WSB2: variants seen among roughly 807,000 people sequenced by gnomAD.
WSB2 encodes the protein WD repeat and SOCS box-containing protein 2.
WSB2 carries 12 observed loss-of-function variants against 48.8 expected under a neutral mutation model. The ratio of observed to expected loss-of-function variants is 0.25; its 90% CI spans 0.16 to 0.40. The LOEUF (loss-of-function observed/expected upper bound fraction) is 0.40. WSB2 is among the 10% of genes least tolerant of loss of function. The pLI is 1.00. For synonymous variants in WSB2, 191 were observed against 203.1 expected, an observed-to-expected ratio of 0.94 and a Z score of 0.51; for missense variants, 317 against 506.2, an observed-to-expected ratio of 0.63 and a Z score of 3.59.
chr12:118,035,408 C>A, intron 6 of WSB2, 84 bp from the exon 7 acceptor site: 1 of 1,215,410 alleles, frequency 8.2e-7, no homozygotes. Context: ...GGAAGCCAAA[C>A]TGCCCTGGCT....
chr12:118,061,999 C>T, upstream of WSB2: 7 of 1,042,798 alleles, frequency 6.7e-6, no homozygotes, highest in Non-Finnish European at 9.2e-6. Flanking sequence ...GAACACGGGG[C>T]GGTGGGGAGA....
At chr12:118,035,678 A>G in intron 6 of WSB2, 1 of 196,582 alleles carries the variant, frequency 5.1e-6, no homozygotes, top group Non-Finnish European at 1.0e-5. Flanking sequence ...AACAGACACA[A>G]AAGGAAAAAG....
At position 118,034,377 on chromosome 12, in the gene WSB2, C is replaced by T. The variant is rs117570803; in HGVS notation, c.1053-19G>A. 631 of 1,612,316 alleles carry T rather than the reference C, an allele frequency of 3.9e-4. No individual in the cohort carries two copies. Among genetic ancestry groups the T allele is most frequent in the East Asian group, 1.1e-3 (50 of 44,844 alleles). The stretch of plus-strand genomic sequence containing the variant: ...TCTTGTCCTAAAATGAAACAGAAAC[C>T]GATGCTAAGACAGAGCTTGGATGTT... On this transcript the variant is annotated intron_variant, in intron 8 of 8. Coordinates refer to ENST00000315436, the MANE Select transcript of WSB2 (RefSeq NM_018639.5).
intron 2 of WSB2, among the ~76,000 whole-genome samples, chr12:118,049,010 T>A (rs1003617788): frequency 6.6e-6 from 1 of 152,228 alleles, no homozygotes; most frequent in Non-Finnish European, 1.5e-5. Flanking sequence ...TATTTATCTA[T>A]ACAAATTTGA....
chr12:118,055,607 CTTTTTTTTTTTTTTT>C (rs748354611), intron 1 of WSB2, among the ~76,000 whole-genome samples: 3 of 81,678 alleles, frequency 3.7e-5, no homozygotes, highest in Admixed American at 3.7e-4. Flanking sequence ...CTACATTATC[CTTTTTTTTTTTTTTT>C]TTTTTTTTTT....
chr12:118,043,825 A>C (rs2031690890), intron 2 of WSB2, among the ~76,000 whole-genome samples: 1 of 151,192 alleles, frequency 6.6e-6, no homozygotes, highest in Non-Finnish European at 1.5e-5. Context: ...TCTTTTTAAG[A>C]GTTGATGTAG....
chr12:118,035,445 G>GC (rs2031489406), intron 6 of WSB2, 121 bp from the exon 7 acceptor site: 1 of 782,944 alleles, frequency 1.3e-6, no homozygotes, highest in Non-Finnish European at 2.1e-6. Flanking sequence ...TGCATTGTGT[G>GC]CCCCTCGTGG....
chr12:118,040,654 CAAAA>C (rs781738117), intron 4 of WSB2, among the ~76,000 whole-genome samples: 1 of 120,008 alleles, frequency 8.3e-6, no homozygotes, highest in African/African-American at 3.1e-5. Flanking sequence ...GGCTCTGTCT[CAAAA>C]AAAAAAAAAA....
Position 118,035,042 on chromosome 12 carries a change from A to T in WSB2, c.996T>A (p.Pro332=), listed in dbSNP as rs2031475017. 6.2e-7 allele frequency: 1 copy of T among 1,614,094 alleles called. No individual in the cohort carries two copies. The highest frequency in any genetic ancestry group is 1.7e-5 in the Admixed American group (1 of 60,004). Residue 332 remains proline (P), a synonymous_variant, in exon 8 of 9, where the codon CCT becomes CCA. Transcript: ENST00000315436. ...LELKTPIAFA[P]MTNGLCCTFF... Reference sequence around the variant, plus strand: ...ATGTGCAGCAAAGCCCATTGGTCATAGGAGCAAATGCAATGGGAGTTTTCA... The same window carrying T: ...ATGTGCAGCAAAGCCCATTGGTCATTGGAGCAAATGCAATGGGAGTTTTCA...
intron 2 of WSB2, among the ~76,000 whole-genome samples, chr12:118,046,355 C>T (rs12229137): frequency 0.031 from 4,734 of 151,190 alleles, 234 homozygotes; most frequent in East Asian, 0.22. Flanking sequence ...CCCAGCTACT[C>T]GGGAGGCTGA....
intron 2 of WSB2, among the ~76,000 whole-genome samples, chr12:118,047,852 A>C (rs2031775231): frequency 6.6e-6 from 1 of 152,252 alleles, no homozygotes; most frequent in Non-Finnish European, 1.5e-5. Context: ...GTCTCACTAT[A>C]AATTTTTGTG....
At chr12:118,043,412 A>G (rs766474376) in intron 2 of WSB2, 35 bp from the exon 3 acceptor site, 58 of 1,520,560 alleles carry the variant, frequency 3.8e-5, no homozygotes, top group Admixed American at 2.2e-5. Flanking sequence ...TGAATCTGCA[A>G]TTGTTACCAG....
Position 118,034,113 on chromosome 12 carries a change from C to G in WSB2, c.*83G>C. On this transcript the variant is annotated 3_prime_UTR_variant, in exon 9 of 9. Transcript: ENST00000315436. ...AAGAAATGCTATTTCAATGCAAGAC[C>G]AGATGTTTGGCCCATTATTCCAGCA... 1.3e-6 allele frequency: 2 copies of G among 1,549,902 alleles called. No homozygotes were observed. Among genetic ancestry groups the G allele is most frequent in the Non-Finnish European group, 1.8e-6 (2 of 1,128,740 alleles).
chr12:118,060,759 C>T lies in WSB2; in HGVS notation c.13+277G>A, dbSNP rs982555234. On this transcript the variant is annotated intron_variant, in intron 1 of 8. Transcript: ENST00000315436. The surrounding 1 kb of genome is among the most constrained non-coding windows in gnomAD (Gnocchi z 4.1). ...AGTCCCACCCGGGAGCCCCCTCTGT[C>T]CCGGTCGGGGGATCTCCTCCCGCAG... Among the ~76,000 whole-genome samples the T allele has an allele frequency of 6.6e-6, 1 of 152,040 alleles. No homozygotes were observed. The highest frequency in any genetic ancestry group is 2.4e-5 in the African/African-American group (1 of 41,438).
At chr12:118,062,144 TCTCC>T, upstream of WSB2, 1 of 1,535,278 alleles carries the variant, frequency 6.5e-7, no homozygotes, top group Non-Finnish European at 8.7e-7. Flanking sequence ...AGAAACCTGC[TCTCC>T]CTGTCTACCC....
At chr12:118,056,035 G>A (rs370201070) in intron 1 of WSB2, among the ~76,000 whole-genome samples, 4 of 151,566 alleles carry the variant, frequency 2.6e-5, no homozygotes, top group East Asian at 1.9e-4. Context: ...ATCATCTCCC[G>A]CCTGGCCCAG....
chr12:118,056,998 T>A (rs2031968989), intron 1 of WSB2, among the ~76,000 whole-genome samples: 1 of 152,178 alleles, frequency 6.6e-6, no homozygotes, highest in South Asian at 2.1e-4. Context: ...CTACTCAGAA[T>A]TCACACTCTA....
At chr12:118,039,463 A>C (rs1031759067) in intron 4 of WSB2, among the ~76,000 whole-genome samples, 3 of 152,178 alleles carry the variant, frequency 2.0e-5, no homozygotes, top group African/African-American at 7.2e-5. Context: ...ATTTTTGTCA[A>C]ACAATGACCC....
chr12:118,061,136 C>A lies in WSB2; in HGVS notation c.-88G>T. The A allele has an allele frequency of 1.0e-6, 1 of 981,714 alleles. No individual in the cohort carries two copies. The highest frequency in any genetic ancestry group is 1.2e-6 in the Non-Finnish European group (1 of 828,392). The allele number at this position is 981,714 out of a possible 1,614,324, so 60.8% of individuals were successfully genotyped here. A position where few individuals can be genotyped will look rare whatever the true frequency, so the allele number is the denominator to read the frequency against. On this transcript the variant is annotated 5_prime_UTR_variant, in exon 1 of 9. Coordinates refer to ENST00000315436, the MANE Select transcript of WSB2 (RefSeq NM_018639.5). ...TCATGCCGCCCCCGCGCCGCCCGCC[C>A]CGGCCAGGCCGCCGCCGCCGCCCGG...
Sources: gnomAD v4.1 joint callset for allele counts (sites outside exome capture counted in the v4.1 genomes callset) on GRCh38, gnomAD v4.1.1 for gene constraint, Gnocchi (gnomAD v3.1) non-coding constraint, MANE v1.5 for transcripts, NCBI Gene and HGNC (gene_info 2026-07-23, HGNC 2026-07-21) for gene names.